Variants in GRM5 observed in about 807,000 individuals in gnomAD.
The protein encoded by GRM5 is glutamate metabotropic receptor 5.
Under a neutral mutation model 83.1 loss-of-function variants are expected in GRM5, and 19 were observed. That is an observed-to-expected ratio of 0.23 (90% CI 0.16 to 0.34). The LOEUF is 0.34. GRM5 is among the 10% of genes least tolerant of loss of function. The probability of loss-of-function intolerance (pLI) is 1.00; values close to 1 mark genes in which losing one functional copy is unlikely to be tolerated. For missense variants in GRM5, 1,160 were observed against 1,588.3 expected, an observed-to-expected ratio of 0.73 and a Z score of 4.58; for synonymous variants, 675 against 633.6, an observed-to-expected ratio of 1.07 and a Z score of -0.98.
intron 4 of GRM5, among the ~76,000 whole-genome samples, chr11:88,652,607 C>T (rs1289788719): frequency 2.6e-5 from 4 of 152,076 alleles, no homozygotes; most frequent in Non-Finnish European, 4.4e-5. Context: ...ACATTCTTAG[C>T]ATCTTATAAG....
At chr11:88,733,071 A>G (rs904494) in intron 3 of GRM5, among the ~76,000 whole-genome samples, 97,470 of 151,906 alleles carry the variant, frequency 0.64, 33,409 homozygotes, top group South Asian at 0.84. Context: ...TCAATATTTA[A>G]TTATAACAGC....
chr11:88,947,145 T>C (rs1033996364), intron 2 of GRM5, among the ~76,000 whole-genome samples: 3 of 152,142 alleles, frequency 2.0e-5, no homozygotes, highest in African/African-American at 2.4e-5. Context: ...GCAATGAGAA[T>C]TGTGAAAAAA....
chr11:88,685,014 A>G (rs1940583922), intron 3 of GRM5, among the ~76,000 whole-genome samples: 2 of 152,228 alleles, frequency 1.3e-5, no homozygotes, highest in Non-Finnish European at 1.5e-5. Context: ...ATACCTGAAC[A>G]TGTGGAAGCA....
At chr11:88,763,799 C>T (rs376657224) in intron 3 of GRM5, among the ~76,000 whole-genome samples, 1 of 151,296 alleles carries the variant, frequency 6.6e-6, no homozygotes, top group African/African-American at 2.4e-5. Flanking sequence ...ATCAGATAAA[C>T]CCAAAGGAAG....
chr11:88,782,776 T>A (rs16914836), intron 3 of GRM5, among the ~76,000 whole-genome samples: 1 of 152,106 alleles, frequency 6.6e-6, no homozygotes, highest in African/African-American at 2.4e-5. Context: ...TCAATTCACA[T>A]GGTCCAAAGC....
chr11:89,020,366 A>G (rs1175915970), intron 2 of GRM5, among the ~76,000 whole-genome samples: 3 of 152,262 alleles, frequency 2.0e-5, no homozygotes, highest in Non-Finnish European at 4.4e-5. Flanking sequence ...GCTCCCTTAC[A>G]GGAAACATTC....
chr11:88,949,393 A>C (rs895075614), intron 2 of GRM5, among the ~76,000 whole-genome samples: 1 of 152,214 alleles, frequency 6.6e-6, no homozygotes, highest in Non-Finnish European at 1.5e-5. Context: ...AAGGCAATAC[A>C]TTGTTCTACT....
At position 88,987,348 on chromosome 11, in the gene GRM5, C is replaced by T. The variant is rs947521755; in HGVS notation, c.661+59864G>A. Reference sequence around the variant, plus strand: ...ACGAGATTATATCCCCCAGCTGGCTCGGAGGGTCCTACGCCCACGGAGTCT... The same window carrying T: ...ACGAGATTATATCCCCCAGCTGGCTTGGAGGGTCCTACGCCCACGGAGTCT... On this transcript the variant is annotated intron_variant, in intron 2 of 9. Coordinates refer to ENST00000305447, the MANE Select transcript of GRM5 (RefSeq NM_001143831.3). Among the ~76,000 whole-genome samples the T allele has an allele frequency of 7.2e-5, 11 of 152,218 alleles. No homozygotes were observed. In the East Asian group the frequency reaches 1.2e-3, roughly 16 times the overall value.
intron 8 of GRM5, among the ~76,000 whole-genome samples, chr11:88,549,354 A>G (rs1329304127): frequency 6.6e-6 from 1 of 151,830 alleles, no homozygotes; most frequent in African/African-American, 2.4e-5. Flanking sequence ...GGTTCCATTT[A>G]CTTGGGAGGA....
chr11:88,949,134 T>A (rs546608987), intron 2 of GRM5, among the ~76,000 whole-genome samples: 2 of 152,348 alleles, frequency 1.3e-5, no homozygotes, highest in Admixed American at 6.5e-5. Flanking sequence ...TTCTGACCAC[T>A]AAGAGTAGGA....
chr11:88,936,731 A>G (rs1222214929), intron 2 of GRM5, among the ~76,000 whole-genome samples: 3 of 151,916 alleles, frequency 2.0e-5, no homozygotes, highest in Non-Finnish European at 2.9e-5. Context: ...TAATAAAAAT[A>G]TCATTAACCC....
chr11:89,036,310 T>C (rs1037192182), intron 2 of GRM5, among the ~76,000 whole-genome samples: 1 of 152,078 alleles, frequency 6.6e-6, no homozygotes, highest in Non-Finnish European at 1.5e-5. Context: ...TGCAAACTTA[T>C]CTTCTAAAGT....
rs550819212 is a variant in GRM5, at chr11:88,724,467, C to CTAGA, written c.912-71068_912-71065dup. ...CTTAACTTGATATTTATCTTCTTCT[C>CTAGA]TAGATAGTATGTTTTGTGATGGTAG... On this transcript the variant is annotated intron_variant, in intron 3 of 9. Coordinates refer to ENST00000305447, the MANE Select transcript of GRM5 (RefSeq NM_001143831.3). Among the ~76,000 whole-genome samples, 657 of 152,252 alleles carry CTAGA rather than the reference C, an allele frequency of 4.3e-3. 5 individuals carry two copies. Among genetic ancestry groups the CTAGA allele is most frequent in the Non-Finnish European group, 2.7e-3 (186 of 68,028 alleles).
rs1390812543 is a variant in GRM5 at position 88,508,236 on chromosome 11, TTA to T, written c.*354_*355del. The T allele has an allele frequency of 7.6e-5, 13 of 172,116 alleles. No homozygotes were observed. Among genetic ancestry groups the T allele is most frequent in the African/African-American group, 2.8e-4 (12 of 42,274 alleles). The allele number at this position is 172,116 out of a possible 1,614,324, so 10.7% of individuals were successfully genotyped here. ...AAATAAAACTTTTTACAGTTGCTTA[TTA>T]ACTATGCTCTTCACCCTCCGTTACG... is the stretch of plus-strand genomic sequence containing the variant. On this transcript the variant is annotated 3_prime_UTR_variant, in exon 10 of 10. Coordinates refer to ENST00000305447, the MANE Select transcript of GRM5 (RefSeq NM_001143831.3). The surrounding 1 kb of genome is among the most constrained non-coding windows in gnomAD (Gnocchi z 4.2).
At chr11:88,938,781 G>T (rs1479264535) in intron 2 of GRM5, among the ~76,000 whole-genome samples, 2 of 151,446 alleles carry the variant, frequency 1.3e-5, no homozygotes, top group Non-Finnish European at 3.0e-5. Flanking sequence ...ATTAAAATTG[G>T]ATTATGTTTT....
At chr11:88,841,099 G>T (rs1350058885) in intron 3 of GRM5, among the ~76,000 whole-genome samples, 2 of 152,136 alleles carry the variant, frequency 1.3e-5, no homozygotes, top group African/African-American at 2.4e-5. Flanking sequence ...AAACAGGAGG[G>T]TTAGCTTACT....
At chr11:88,613,279 C>G (rs1938378383) in intron 4 of GRM5, among the ~76,000 whole-genome samples, 1 of 152,160 alleles carries the variant, frequency 6.6e-6, no homozygotes, top group Non-Finnish European at 1.5e-5. Context: ...GATGATACGT[C>G]TGACATTGTC....
chr11:88,551,134 T>A (rs1158189312), intron 8 of GRM5, among the ~76,000 whole-genome samples: 1 of 152,162 alleles, frequency 6.6e-6, no homozygotes. Context: ...TAATGTTACC[T>A]GTCTCATGGG....
intron 3 of GRM5, among the ~76,000 whole-genome samples, chr11:88,790,236 T>C (rs1943148362): frequency 6.6e-6 from 1 of 152,192 alleles, no homozygotes; most frequent in Admixed American, 6.5e-5. Context: ...TTTTCTTCTA[T>C]CTACCCATTA....
Sources: allele counts gnomAD v4.1 joint callset (sites outside exome capture counted in the v4.1 genomes callset), GRCh38; gene constraint gnomAD v4.1.1; non-coding constraint Gnocchi (gnomAD v3.1); transcripts MANE v1.5; gene names NCBI Gene and HGNC (gene_info 2026-07-23, HGNC 2026-07-21).